The following FOXP1 variants were observed in gnomAD, a reference collection of about 807,000 sequenced individuals.
The protein encoded by FOXP1 is forkhead box protein P1.
A neutral mutation model predicts 98.2 loss-of-function variants in FOXP1; 15 were observed. The ratio of observed to expected loss-of-function variants is 0.15; its 90% CI spans 0.10 to 0.24. FOXP1 has a LOEUF of 0.24. Among genes scored for constraint, FOXP1 ranks in the 10% least tolerant of loss-of-function variants. The pLI, the probability that FOXP1 is intolerant of heterozygous loss-of-function variation, is 1.00. For synonymous variants in FOXP1, 371 were observed against 314.5 expected, an observed-to-expected ratio of 1.18 and a Z score of -1.90; for missense variants, 633 against 848.5, an observed-to-expected ratio of 0.75 and a Z score of 3.15.
chr3:71,078,784 G>C (rs962173715), intron 7 of FOXP1, among the ~76,000 whole-genome samples: 10 of 152,032 alleles, frequency 6.6e-5, no homozygotes, highest in African/African-American at 2.4e-4. Flanking sequence ...GGAGGACGAG[G>C]AAAGACCCAC....
At chr3:71,387,824 A>G (rs1340260929) in intron 3 of FOXP1, among the ~76,000 whole-genome samples, 3 of 152,220 alleles carry the variant, frequency 2.0e-5, no homozygotes, top group Non-Finnish European at 4.4e-5. Flanking sequence ...TTCAACGTCT[A>G]ATGCTCTTAA....
intron 4 of FOXP1, among the ~76,000 whole-genome samples, chr3:71,336,355 C>T (rs1005553394): frequency 2.0e-5 from 3 of 152,094 alleles, no homozygotes; most frequent in African/African-American, 7.2e-5. Flanking sequence ...GTTTGCTGCA[C>T]CTATCAACCA....
intron 4 of FOXP1, among the ~76,000 whole-genome samples, chr3:71,328,771 A>G (rs1403818113): frequency 6.6e-6 from 1 of 152,018 alleles, no homozygotes; most frequent in African/African-American, 2.4e-5. Flanking sequence ...TTGGGAGTTC[A>G]AGACCAGCCT....
intron 3 of FOXP1, among the ~76,000 whole-genome samples, chr3:71,440,522 A>G (rs928320686): frequency 2.0e-4 from 31 of 152,094 alleles, no homozygotes; most frequent in Admixed American, 2.0e-4. Context: ...CTAAAAATAC[A>G]AGAAAGTTAG....
chr3:71,177,843 T>TC (rs1427172804), intron 6 of FOXP1, among the ~76,000 whole-genome samples: 4 of 142,738 alleles, frequency 2.8e-5, no homozygotes, highest in East Asian at 2.0e-4. Context: ...TTTCTTTCTT[T>TC]TTTTTTTTTT....
intron 3 of FOXP1, among the ~76,000 whole-genome samples, chr3:71,418,935 C>CA (rs34398058): frequency 0.57 from 62,165 of 108,468 alleles, 16,326 homozygotes; most frequent in Non-Finnish European, 0.62. Context: ...AGACCGGTCT[C>CA]AAAAAAAAAA....
chr3:71,464,844 G>T (rs56121004), intron 3 of FOXP1, among the ~76,000 whole-genome samples: 44,079 of 152,074 alleles, frequency 0.29, 8,010 homozygotes, highest in Non-Finnish European at 0.41. Context: ...AAACCAGACT[G>T]CCCCAAGTCT....
chr3:71,145,703 G>A (rs532330106), intron 6 of FOXP1, among the ~76,000 whole-genome samples: 5 of 152,288 alleles, frequency 3.3e-5, no homozygotes, highest in Admixed American at 2.0e-4. Flanking sequence ...TTTCATAGGT[G>A]TATAGTGGTA....
At position 71,365,712 on chromosome 3, in the gene FOXP1, C is replaced by T. The variant is rs188405594; in HGVS notation, c.-167-6468G>A. On this transcript the variant is annotated intron_variant, in intron 3 of 20. Transcript: ENST00000649528. ...ATTTAAAGGATGTTCCGGCTGGGTG[C>T]GGTGGCTCACGCCTATAATCCCAGC... 5.3e-5 allele frequency among the ~76,000 whole-genome samples: 8 copies of T among 152,276 alleles called. No homozygotes were observed. In the East Asian group the frequency reaches 5.8e-4, roughly 11 times the overall value.
At chr3:71,097,905 A>C (rs1466062503) in intron 7 of FOXP1, among the ~76,000 whole-genome samples, 1 of 152,212 alleles carries the variant, frequency 6.6e-6, no homozygotes, top group Non-Finnish European at 1.5e-5. Context: ...AATGCTTGCC[A>C]CTGGGTGTCA....
intron 17 of FOXP1, among the ~76,000 whole-genome samples, chr3:70,974,029 G>A (rs2036962808): frequency 1.3e-5 from 2 of 152,102 alleles, no homozygotes; most frequent in African/African-American, 4.8e-5. Flanking sequence ...AGAAGATAAT[G>A]AGACAAGTTT....
At chr3:71,169,291 C>T (rs904378633) in intron 6 of FOXP1, among the ~76,000 whole-genome samples, 7 of 152,300 alleles carry the variant, frequency 4.6e-5, no homozygotes, top group South Asian at 2.1e-4. Context: ...TAAACAACTC[C>T]GTTAACATTT....
At chr3:70,967,647 T>G (rs186817275) in intron 19 of FOXP1, among the ~76,000 whole-genome samples, 1 of 150,508 alleles carries the variant, frequency 6.6e-6, no homozygotes, top group African/African-American at 2.4e-5. Flanking sequence ...TTCTTTTTGT[T>G]TTTTTTTTGG....
At chr3:71,197,561 A>G (rs2063369263) in intron 6 of FOXP1, among the ~76,000 whole-genome samples, 1 of 152,168 alleles carries the variant, frequency 6.6e-6, no homozygotes, top group East Asian at 1.9e-4. Flanking sequence ...CATTTTGGGG[A>G]GGCACCAATA....
chr3:71,583,141 G>A (rs1285709634), intron 1 of FOXP1, among the ~76,000 whole-genome samples: 2 of 152,140 alleles, frequency 1.3e-5, no homozygotes, highest in South Asian at 2.1e-4. Flanking sequence ...CAGGCGGCCT[G>A]GGCTTATTGA....
intron 7 of FOXP1, among the ~76,000 whole-genome samples, chr3:71,069,996 G>A (rs1212446268): frequency 6.6e-6 from 1 of 152,090 alleles, no homozygotes; most frequent in African/African-American, 2.4e-5. Context: ...ACCCTCCTCT[G>A]ACCCTAGGTT....
chr3:71,323,363 G>A (rs1487339520), intron 4 of FOXP1, among the ~76,000 whole-genome samples: 1 of 152,184 alleles, frequency 6.6e-6, no homozygotes, highest in African/African-American at 2.4e-5. Flanking sequence ...CCTATTAAAA[G>A]ACAGGGAGGA....
chr3:71,279,043 A>C (rs2071223301), intron 5 of FOXP1, among the ~76,000 whole-genome samples: 1 of 151,766 alleles, frequency 6.6e-6, no homozygotes, highest in Non-Finnish European at 1.5e-5. Context: ...AAATACAAAA[A>C]TTAGCTGGGT....
At chr3:71,465,024 A>G (rs1044501160) in intron 3 of FOXP1, among the ~76,000 whole-genome samples, 1 of 152,156 alleles carries the variant, frequency 6.6e-6, no homozygotes, top group Admixed American at 6.5e-5. Flanking sequence ...TGGCCAGGCT[A>G]AGGCTGGGCA....
Sources: allele counts gnomAD v4.1 joint callset (sites outside exome capture counted in the v4.1 genomes callset), GRCh38; gene constraint gnomAD v4.1.1; transcripts MANE v1.5; gene names NCBI Gene and HGNC (gene_info 2026-07-23, HGNC 2026-07-21).